RPTOR: variants seen among roughly 807,000 people sequenced by gnomAD.
RPTOR encodes regulatory-associated protein of mTOR.
In RPTOR, 21 loss-of-function variants were observed where a neutral mutation model predicts 169.9. That is an observed-to-expected ratio of 0.12 (90% CI 0.09 to 0.18). The LOEUF (loss-of-function observed/expected upper bound fraction) is 0.18, where lower values mean the gene tolerates loss of function less well. Among genes scored for constraint, RPTOR ranks in the 10% least tolerant of loss-of-function variants. The probability of loss-of-function intolerance (pLI) is 1.00; values close to 1 mark genes in which losing one functional copy is unlikely to be tolerated. For missense variants in RPTOR, 1,133 were observed against 1,855.9 expected, an observed-to-expected ratio of 0.61 and a Z score of 7.16; for synonymous variants, 732 against 753.2, an observed-to-expected ratio of 0.97 and a Z score of 0.46.
In RPTOR at chr17:80,609,569, A is replaced by AATTAG; in HGVS notation, c.163-16122_163-16121insATTAG. Among the ~76,000 whole-genome samples the AATTAG allele has an allele frequency of 6.6e-6, 1 of 151,966 alleles. No homozygotes were observed. Among genetic ancestry groups the AATTAG allele is most frequent in the East Asian group, 1.9e-4 (1 of 5,176 alleles). On this transcript the variant is annotated intron_variant, in intron 1 of 33. Coordinates refer to ENST00000306801, the MANE Select transcript of RPTOR (RefSeq NM_020761.3). The surrounding 1 kb of genome is among the most constrained non-coding windows in gnomAD (Gnocchi z 4.8). Reference sequence around the variant, plus strand: ...AGACCAGCCTGGCCAACATGGTGAAACCCCATCTCTACTAAAAATAGAAAA... The same window carrying AATTAG: ...AGACCAGCCTGGCCAACATGGTGAAAATTAGCCCCATCTCTACTAAAAATAGAAAA...
chr17:80,819,786 G>A (rs905360080), intron 7 of RPTOR, among the ~76,000 whole-genome samples: 1 of 152,210 alleles, frequency 6.6e-6, no homozygotes, highest in Admixed American at 6.5e-5. Flanking sequence ...GTAGAGTGTG[G>A]ACTTTGAGTG....
intron 3 of RPTOR, among the ~76,000 whole-genome samples, chr17:80,666,523 T>G (rs904717104): frequency 6.6e-6 from 1 of 152,206 alleles, no homozygotes; most frequent in Admixed American, 6.5e-5. Flanking sequence ...ACTGCTTGGT[T>G]GGACGCAGCA....
intron 7 of RPTOR, among the ~76,000 whole-genome samples, chr17:80,793,703 C>G (rs2067072937): frequency 6.6e-6 from 1 of 152,250 alleles, no homozygotes; most frequent in Admixed American, 6.5e-5. Context: ...AGAGCCCTGC[C>G]AGCGCGTGTT....
chr17:80,575,640 A>G (rs192706077), intron 1 of RPTOR, among the ~76,000 whole-genome samples: 2 of 152,294 alleles, frequency 1.3e-5, no homozygotes, highest in African/African-American at 4.8e-5. Context: ...GTGCGTGGTC[A>G]GTTTTTGTAA....
Position 80,545,350 on chromosome 17 carries a change from A to T in RPTOR, c.-280A>T, listed in dbSNP as rs1330772930. The stretch of plus-strand genomic sequence containing the variant: ...AGCCCCTCTGGAAACGTACAGCCTC[A>T]GGAGCAGCCAGTGGCTTGGGACCTG... On this transcript the variant is annotated 5_prime_UTR_variant, in exon 1 of 34. Transcript: ENST00000306801. 1 of 322,232 alleles carries T rather than the reference A, an allele frequency of 3.1e-6. No homozygotes were observed. Among genetic ancestry groups the T allele is most frequent in the Non-Finnish European group, 5.7e-6 (1 of 175,224 alleles). 20.0% of individuals were successfully genotyped at this position (322,232 alleles called of 1,614,324 possible). A position where few individuals can be genotyped will look rare whatever the true frequency, so the allele number is the denominator to read the frequency against.
At chr17:80,855,325 C>T (rs117065579) in intron 11 of RPTOR, 139 bp from the exon 12 acceptor site, 7,730 of 647,514 alleles carry the variant, frequency 0.012, 93 homozygotes, top group Non-Finnish European at 0.013. Flanking sequence ...GAAAGGAGCA[C>T]CAGCTCTAGG....
intron 28 of RPTOR, among the ~76,000 whole-genome samples, chr17:80,953,707 G>A (rs960874278): frequency 9.2e-5 from 14 of 152,240 alleles, no homozygotes; most frequent in African/African-American, 3.4e-4. Flanking sequence ...ATTAATGTAG[G>A]TAACAGCATA....
rs186178341 is a variant in RPTOR at position 80,869,952 on chromosome 17, C to T, written c.1510-10463C>T. The stretch of plus-strand genomic sequence containing the variant: ...AGGAGATGTGGCCACAGCTGTCTTC[C>T]GCTGGTCACACTTTGCAAGGATGGT... On this transcript the variant is annotated intron_variant, in intron 13 of 33. Transcript: ENST00000306801. 3.9e-5 allele frequency among the ~76,000 whole-genome samples: 6 copies of T among 152,222 alleles called. No individual in the cohort carries two copies. The East Asian group carries it at 7.7e-4, about 20-fold the overall frequency.
intron 3 of RPTOR, among the ~76,000 whole-genome samples, chr17:80,670,794 C>A (rs1329158114): frequency 6.6e-6 from 1 of 152,098 alleles, no homozygotes; most frequent in Admixed American, 6.6e-5. Flanking sequence ...TAATCAGCCC[C>A]CCAACTCCCC....
chr17:80,713,330 G>A (rs1269248419), intron 4 of RPTOR, among the ~76,000 whole-genome samples: 1 of 152,158 alleles, frequency 6.6e-6, no homozygotes, highest in Non-Finnish European at 1.5e-5. Flanking sequence ...ATAGGCATGA[G>A]CCACCACACC....
intron 25 of RPTOR, chr17:80,941,714 AGTTGAG>A (rs2069030743): frequency 6.6e-6 from 1 of 152,276 alleles, no homozygotes; most frequent in African/African-American, 2.4e-5. Context: ...TACTTTCTGA[AGTTGAG>A]GTTGATGACC....
At chr17:80,568,434 G>C (rs368991125) in intron 1 of RPTOR, among the ~76,000 whole-genome samples, 2 of 152,130 alleles carry the variant, frequency 1.3e-5, no homozygotes, top group Non-Finnish European at 2.9e-5. Flanking sequence ...GAAGTCTGCT[G>C]TTGGTCTTAC....
chr17:80,675,032 G>A (rs1013983648), intron 3 of RPTOR, among the ~76,000 whole-genome samples: 1 of 152,186 alleles, frequency 6.6e-6, no homozygotes, highest in South Asian at 2.1e-4. Context: ...GTGAGAAGCT[G>A]TGAGAGTGTT....
intron 20 of RPTOR, among the ~76,000 whole-genome samples, chr17:80,902,744 A>C (rs143922804): frequency 3.3e-5 from 5 of 152,310 alleles, no homozygotes; most frequent in Non-Finnish European, 7.4e-5. Context: ...ACACCCATGC[A>C]TGTGGCCCCA....
chr17:80,893,992 A>C, intron 20 of RPTOR, 127 bp downstream of exon 20: 1 of 1,002,182 alleles, frequency 1.0e-6, no homozygotes, highest in Non-Finnish European at 1.4e-6. Context: ...AGAAAGAATA[A>C]AGGTCAACAG....
At chr17:80,660,015 A>G (rs1264143032) in intron 3 of RPTOR, among the ~76,000 whole-genome samples, 2 of 152,092 alleles carry the variant, frequency 1.3e-5, no homozygotes, top group Middle Eastern at 3.2e-3. Flanking sequence ...TCATGCCTGT[A>G]ATCCCAGCAC....
Position 80,754,996 on chromosome 17 carries a change from C to A in RPTOR, c.830+811C>A, listed in dbSNP as rs1324146601. 4.6e-5 allele frequency among the ~76,000 whole-genome samples: 7 copies of A among 152,220 alleles called. No individual in the cohort carries two copies. Among genetic ancestry groups the A allele is most frequent in the African/African-American group, 1.7e-4 (7 of 41,462 alleles). On this transcript the variant is annotated intron_variant, in intron 6 of 33. Coordinates refer to ENST00000306801, the MANE Select transcript of RPTOR (RefSeq NM_020761.3). This position sits in a 1 kb window ranked among gnomAD's most constrained non-coding sequence, Gnocchi z 4.2. ...ACTCTAGACAAGTCTCCTGCCTTCT[C>A]ACCCACAGCCCTGGGCGGACACGGG... is the stretch of plus-strand genomic sequence containing the variant.
At chr17:80,589,066 C>T (rs1269592441) in intron 1 of RPTOR, among the ~76,000 whole-genome samples, 2 of 152,126 alleles carry the variant, frequency 1.3e-5, no homozygotes, top group Non-Finnish European at 2.9e-5. Flanking sequence ...ACTGCCAGTC[C>T]CTGTGTGCCC....
At chr17:80,642,043 G>A (rs1313080749) in intron 2 of RPTOR, among the ~76,000 whole-genome samples, 1 of 152,118 alleles carries the variant, frequency 6.6e-6, no homozygotes, top group Non-Finnish European at 1.5e-5. Context: ...GACAGTGTTT[G>A]TTTCCACTGA....
Sources: gnomAD v4.1 joint callset for allele counts (sites outside exome capture counted in the v4.1 genomes callset) on GRCh38, gnomAD v4.1.1 for gene constraint, Gnocchi (gnomAD v3.1) non-coding constraint, MANE v1.5 for transcripts, NCBI Gene and HGNC (gene_info 2026-07-23, HGNC 2026-07-21) for gene names.